DRAP1: variants seen among roughly 807,000 people sequenced by gnomAD.
DRAP1 encodes the protein DR1 associated protein 1.
In DRAP1, 10 loss-of-function variants were observed where a neutral mutation model predicts 24.1. That is an observed-to-expected ratio of 0.41 (90% CI 0.26 to 0.70). The LOEUF is 0.70. Ranked by LOEUF, DRAP1 falls within the 30% of genes least tolerant of loss-of-function variation. The pLI, the probability that DRAP1 is intolerant of heterozygous loss-of-function variation, is 0.29. For missense variants in DRAP1, 264 were observed against 275.6 expected (o/e 0.96, Z 0.30); for synonymous variants, 122 against 113.8 (o/e 1.07, Z -0.46).
At chr11:65,920,177 G>T in intron 3 of DRAP1, 136 bp downstream of exon 3, 1 of 1,422,140 alleles carries the variant, frequency 7.0e-7, no homozygotes, top group Non-Finnish European at 9.6e-7. Context: ...GCAGAGGAGA[G>T]GCTGGGCTTC....
intron 5 of DRAP1, 41 bp from the exon 6 acceptor site, chr11:65,920,843 G>C (rs745500852): frequency 6.3e-7 from 1 of 1,576,642 alleles, no homozygotes; most frequent in Non-Finnish European, 8.6e-7. Flanking sequence ...TGATGGGTTC[G>C]TGTCTTTTCT....
Position 65,920,324 on chromosome 11 carries a change from CCCT to C in DRAP1, c.210-14_210-12del. ...GTCTGGGCCCCTCTTGAGTGCCAGC[CCCT>C]CCTCACCTCTTCCAGGAAGCAGTGC... On this transcript the variant is annotated splice_polypyrimidine_tract_variant and intron_variant, in intron 3 of 6. Coordinates refer to ENST00000312515, the MANE Select transcript of DRAP1 (RefSeq NM_006442.4). 6.2e-7 allele frequency: 1 copy of C among 1,613,730 alleles called. No individual in the cohort carries two copies. The highest frequency in any genetic ancestry group is 8.5e-7 in the Non-Finnish European group (1 of 1,179,924).
chr11:65,919,767 C>A lies in DRAP1; in HGVS notation c.43-13C>A. The A allele has an allele frequency of 6.2e-7, 1 of 1,612,800 alleles. No individual in the cohort carries two copies. Among genetic ancestry groups the A allele is most frequent in the South Asian group, 1.1e-5 (1 of 91,068 alleles). On this transcript the variant is annotated splice_polypyrimidine_tract_variant and intron_variant, in intron 1 of 6. Coordinates refer to ENST00000312515, the MANE Select transcript of DRAP1 (RefSeq NM_006442.4). ...GTGGCGACGGGGTCTGAACTCTGCT[C>A]CCCCACCCGCAGGCGCGGATCAAGA...
Position 65,920,636 on chromosome 11 carries a change from C to T in DRAP1, c.397C>T (p.Leu133=). 16 of 1,511,886 alleles carry T rather than the reference C, an allele frequency of 1.1e-5. No homozygotes were observed. Among genetic ancestry groups the T allele is most frequent in the Non-Finnish European group, 1.4e-5 (16 of 1,127,280 alleles). The allele number at this position is 1,511,886 out of a possible 1,614,324, so 93.7% of individuals were successfully genotyped here. A position where few individuals can be genotyped will look rare whatever the true frequency, so the allele number is the denominator to read the frequency against. ...GMGTKSKDKK[L]SGTDSEQEDE... ...GGGAACGAAAAGCAAGGACAAGAAG[C>T]TGTCCGGGACAGACTCGGAGCAGGA... Residue 133 remains leucine (L), a synonymous_variant, in exon 5 of 7, where the codon CTG becomes TTG. Coordinates refer to ENST00000312515, the MANE Select transcript of DRAP1 (RefSeq NM_006442.4).
At chr11:65,921,006 A>G in intron 6 of DRAP1, 34 bp downstream of exon 6, 1 of 1,533,070 alleles carries the variant, frequency 6.5e-7, no homozygotes, top group Non-Finnish European at 8.8e-7. Flanking sequence ...GGGTGCTGGC[A>G]GACTCCCCAG....
At chr11:65,920,696 G>T in intron 5 of DRAP1, 34 bp downstream of exon 5, 1 of 1,465,732 alleles carries the variant, frequency 6.8e-7, no homozygotes. Context: ...CCCTGCCCTT[G>T]GTGATGGGAC....
At chr11:65,920,839 G>A in intron 5 of DRAP1, 45 bp from the exon 6 acceptor site, 1 of 1,572,318 alleles carries the variant, frequency 6.4e-7, no homozygotes, top group Non-Finnish European at 8.7e-7. Context: ...CCAGTGATGG[G>A]TTCGTGTCTT....
Position 65,920,392 on chromosome 11 carries a change from G to C in DRAP1, c.259G>C (p.Val87Leu), listed in dbSNP as rs1854532798. ...EQQFDFLKDL[V>L]ASVPDMQGDG... Reference sequence around the variant, plus strand: ...GCAGTTTGACTTCTTGAAGGACCTGGTGGCATCTGTTCCCGACATGCAGGG... The same window carrying C: ...GCAGTTTGACTTCTTGAAGGACCTGCTGGCATCTGTTCCCGACATGCAGGG... Residue 87 changes from valine (V) to leucine (L), a missense_variant, in exon 4 of 7, where the codon GTG becomes CTG. Transcript: ENST00000312515. The C allele has an allele frequency of 6.2e-7, 1 of 1,614,114 alleles. No homozygotes were observed. The highest frequency in any genetic ancestry group is 1.1e-5 in the South Asian group (1 of 91,090).
chr11:65,921,023 C>A (rs1056731553), intron 6 of DRAP1, 51 bp downstream of exon 6: 4 of 1,398,720 alleles, frequency 2.9e-6, no homozygotes, highest in Middle Eastern at 2.0e-4. Flanking sequence ...CCAGAGCCAA[C>A]TTACCCCTCT....
chr11:65,920,387 A>G lies in DRAP1; in HGVS notation c.254A>G (p.Asp85Gly). ...GAGCAGCAGTTTGACTTCTTGAAGG[A>G]CCTGGTGGCATCTGTTCCCGACATG... Reference protein sequence around the residue: ...ELEQQFDFLKDLVASVPDMQG... With the variant: ...ELEQQFDFLKGLVASVPDMQG... Residue 85 changes from aspartate to glycine, a missense_variant, in exon 4 of 7, where the codon GAC (aspartate) becomes GGC (glycine). Physicochemically the swap from Asp to Gly is moderately conservative, Grantham distance 94 (BLOSUM62 -1). Coordinates refer to ENST00000312515, the MANE Select transcript of DRAP1 (RefSeq NM_006442.4). 1 of 1,614,086 alleles carries G rather than the reference A, an allele frequency of 6.2e-7. No homozygotes were observed. The highest frequency in any genetic ancestry group is 8.5e-7 in the Non-Finnish European group (1 of 1,180,008).
At position 65,919,467 on chromosome 11, in the gene DRAP1, G is replaced by T; in HGVS notation, c.-35G>T. On this transcript the variant is annotated 5_prime_UTR_variant, in exon 1 of 7. Transcript: ENST00000312515. ...CGGGAGCCGGGAGGCTGCGGGCGGC[G>T]GCGCTGGACCCGACGCGGCGAGAGA... The T allele has an allele frequency of 6.6e-7, 1 of 1,514,964 alleles. No individual in the cohort carries two copies. Among genetic ancestry groups the T allele is most frequent in the South Asian group, 1.2e-5 (1 of 80,318 alleles). 93.8% of individuals were successfully genotyped at this position (1,514,964 alleles called of 1,614,324 possible).
At chr11:65,921,071 G>A in intron 6 of DRAP1, 99 bp downstream of exon 6, 2 of 919,918 alleles carry the variant, frequency 2.2e-6, no homozygotes, top group Non-Finnish European at 1.6e-6. Flanking sequence ...GATTGTGGCA[G>A]ATTTGTGGGG....
At chr11:65,921,212 A>G (rs530629478) in intron 6 of DRAP1, 118 bp from the exon 7 acceptor site, 9 of 716,206 alleles carry the variant, frequency 1.3e-5, no homozygotes, top group Admixed American at 2.7e-5. Context: ...CCTTGGCCGC[A>G]TGGATCTGGA....
chr11:65,920,685 G>A (rs568345099), intron 5 of DRAP1, 23 bp downstream of exon 5: 78 of 1,470,272 alleles, frequency 5.3e-5, no homozygotes, highest in Non-Finnish European at 6.8e-5. Flanking sequence ...CCAGCCCTTC[G>A]CCCTGCCCTT....
intron 1 of DRAP1, 33 bp downstream of exon 1, chr11:65,919,576 C>T (rs1364305860): frequency 6.5e-7 from 1 of 1,548,098 alleles, no homozygotes; most frequent in Non-Finnish European, 8.7e-7. Flanking sequence ...CAGGAGTGGG[C>T]CCGGCTCCCG....
Position 65,920,550 on chromosome 11 carries a change from G to GGACT in DRAP1, c.330-17_330-14dup, listed in dbSNP as rs564598647. The GGACT allele has an allele frequency of 1.5e-3, 2,413 of 1,603,604 alleles. 19 individuals carry two copies. The East Asian group carries it at 0.017, about 12-fold the overall frequency. ...GGAGTAGGGAGCACTCCGGGCAGAT[G>GGACT]GACTGTACCTTCCCAAAGGGGCCGG... is the stretch of plus-strand genomic sequence containing the variant. On this transcript the variant is annotated intron_variant, in intron 4 of 6. Transcript: ENST00000312515.
rs1167211699 is a variant in DRAP1 at position 65,920,467 on chromosome 11, G to A, written c.329+5G>A. 3.7e-6 allele frequency: 6 copies of A among 1,613,990 alleles called. No homozygotes were observed. The highest frequency in any genetic ancestry group is 3.3e-5 in the Admixed American group (2 of 60,022). On this transcript the variant is annotated splice_donor_5th_base_variant and intron_variant, in intron 4 of 6. Coordinates refer to ENST00000312515, the MANE Select transcript of DRAP1 (RefSeq NM_006442.4). ...TGGGGACAAGGGCGCCCGCAGGTGGGGCCAGGGCCTGGCATACAGTGGGGA... is the reference window on the plus strand; with the variant it reads ...TGGGGACAAGGGCGCCCGCAGGTGGAGCCAGGGCCTGGCATACAGTGGGGA...
rs750587677 is a variant in DRAP1, at chr11:65,919,952, G to A, written c.120G>A (p.Arg40=). Residue 40 remains arginine, a synonymous_variant, in exon 3 of 7, where the codon CGG becomes CGA. Transcript: ENST00000312515. ...VAAAVPVIIS[R]ALELFLESLL... is the part of the protein sequence containing the mutation. ...GTTCTCCTTGACGCTCCTCAGCCCG[G>A]GCGCTCGAGCTCTTCCTAGAGTCGC... is the stretch of plus-strand genomic sequence containing the variant. 6.2e-7 allele frequency: 1 copy of A among 1,613,858 alleles called. No individual in the cohort carries two copies. Among genetic ancestry groups the A allele is most frequent in the South Asian group, 1.1e-5 (1 of 91,090 alleles).
At position 65,921,354 on chromosome 11, in the gene DRAP1, C is replaced by T. The variant is rs201130148; in HGVS notation, c.537C>T (p.Phe179=). Residue 179 remains phenylalanine, a synonymous_variant, in exon 7 of 7, where the codon TTC becomes TTT. Coordinates refer to ENST00000312515, the MANE Select transcript of DRAP1 (RefSeq NM_006442.4). Reference sequence around the variant, plus strand: ...GCCCCCCGACACCCTTCCTGCCCTTCGCCTCTACTCTGCCTTTGCCCCCAG... The same window carrying T: ...GCCCCCCGACACCCTTCCTGCCCTTTGCCTCTACTCTGCCTTTGCCCCCAG... ...FQSPPTPFLP[F]ASTLPLPPAP... 1.1e-5 allele frequency: 17 copies of T among 1,609,450 alleles called. No individual in the cohort carries two copies. The African/African-American group carries it at 1.2e-4, about 11-fold the overall frequency.
Sources: allele counts gnomAD v4.1 joint callset, GRCh38; gene constraint gnomAD v4.1.1; transcripts MANE v1.5; gene names NCBI Gene and HGNC (gene_info 2026-07-23, HGNC 2026-07-21).